Variants in MBTD1 observed in about 807,000 individuals in gnomAD.
MBTD1 encodes the protein mbt domain containing 1.
MBTD1 carries 24 observed loss-of-function variants against 87.8 expected under a neutral mutation model. The observed-to-expected ratio is 0.27, with a 90% confidence interval of 0.20 to 0.38. The LOEUF (loss-of-function observed/expected upper bound fraction) is 0.38. Ranked by LOEUF, MBTD1 falls within the 10% of genes least tolerant of loss-of-function variation. The probability of loss-of-function intolerance (pLI) is 1.00; values close to 1 mark genes in which losing one functional copy is unlikely to be tolerated. For synonymous variants in MBTD1, 237 were observed against 248.6 expected, an observed-to-expected ratio of 0.95 and a Z score of 0.44; for missense variants, 436 against 760.2, an observed-to-expected ratio of 0.57 and a Z score of 5.02.
intron 16 of MBTD1, among the ~76,000 whole-genome samples, chr17:51,191,325 G>A (rs1193697105): frequency 3.4e-5 from 5 of 147,886 alleles, no homozygotes; most frequent in Non-Finnish European, 7.4e-5. Flanking sequence ...GCAATGGCAC[G>A]ATCTCGGCTC....
chr17:51,229,620 G>T (rs1047636747), intron 2 of MBTD1, among the ~76,000 whole-genome samples: 2 of 150,344 alleles, frequency 1.3e-5, no homozygotes, highest in Admixed American at 6.6e-5. Flanking sequence ...TTATATACAC[G>T]TTCTAATAAT....
At chr17:51,257,682 T>A (rs1178539974) in intron 2 of MBTD1, among the ~76,000 whole-genome samples, 2 of 152,144 alleles carry the variant, frequency 1.3e-5, no homozygotes, top group Non-Finnish European at 2.9e-5. Flanking sequence ...TCAACTTAAG[T>A]CATGACAGTT....
At chr17:51,222,405 G>C (rs1598372295) in intron 3 of MBTD1, among the ~76,000 whole-genome samples, 1 of 150,456 alleles carries the variant, frequency 6.6e-6, no homozygotes, top group South Asian at 2.1e-4. Context: ...TTTTTGTTTT[G>C]TTTTGTTTGT....
chr17:51,195,105 CATT>C (rs2051025116), intron 13 of MBTD1, 106 bp downstream of exon 13: 1 of 896,210 alleles, frequency 1.1e-6, no homozygotes, highest in Non-Finnish European at 1.7e-6. Context: ...TATCCACACA[CATT>C]ATATACGTAC....
At chr17:51,243,527 A>T (rs1354845196) in intron 2 of MBTD1, among the ~76,000 whole-genome samples, 1 of 152,234 alleles carries the variant, frequency 6.6e-6, no homozygotes, top group Non-Finnish European at 1.5e-5. Flanking sequence ...ACTGGAGCAC[A>T]GTTATCAGTT....
chr17:51,190,717 G>A (rs1279908303), intron 16 of MBTD1, among the ~76,000 whole-genome samples: 1 of 60,750 alleles, frequency 1.6e-5, no homozygotes. Context: ...CTGAGACTCT[G>A]TCTCAAAAAA....
intron 6 of MBTD1, among the ~76,000 whole-genome samples, chr17:51,207,336 T>C (rs1042156661): frequency 5.3e-5 from 8 of 152,300 alleles, no homozygotes; most frequent in Non-Finnish European, 1.2e-4. Context: ...ATTTTTAATA[T>C]GTACTGAGTG....
chr17:51,188,525 C>G (rs1454343332), intron 16 of MBTD1, among the ~76,000 whole-genome samples: 1 of 152,104 alleles, frequency 6.6e-6, no homozygotes, highest in Non-Finnish European at 1.5e-5. Flanking sequence ...AACGTAAAAA[C>G]AAAAGGTTTT....
At chr17:51,260,607 G>A (rs376900305), upstream of MBTD1, 4 of 1,612,606 alleles carry the variant, frequency 2.5e-6, no homozygotes, top group South Asian at 1.1e-5. Flanking sequence ...CGGAGGAGAC[G>A]AATGAAACTG....
At chr17:51,198,352 C>T (rs116700291) in intron 12 of MBTD1, among the ~76,000 whole-genome samples, 2 of 152,276 alleles carry the variant, frequency 1.3e-5, no homozygotes, top group East Asian at 1.9e-4. Flanking sequence ...GATGACTTGA[C>T]CAAGTGTTTA....
At chr17:51,249,913 T>C (rs948517473) in intron 2 of MBTD1, 4 of 152,192 alleles carry the variant, frequency 2.6e-5, no homozygotes, top group Non-Finnish European at 5.9e-5. Flanking sequence ...AGAACAGTTC[T>C]AGACAGGGTC....
chr17:51,254,385 T>A (rs1401510368), intron 2 of MBTD1, among the ~76,000 whole-genome samples: 1 of 152,210 alleles, frequency 6.6e-6, no homozygotes, highest in Non-Finnish European at 1.5e-5. Flanking sequence ...GAGTTTTTAT[T>A]TCCCACAAAT....
upstream of MBTD1, chr17:51,260,141 T>G (rs2055393832): frequency 2.8e-6 from 1 of 363,600 alleles, no homozygotes; most frequent in Admixed American, 4.5e-5. Flanking sequence ...GCTTCCACCG[T>G]GGGACCCTCT....
intron 3 of MBTD1, among the ~76,000 whole-genome samples, chr17:51,224,120 G>C (rs1405632619): frequency 1.3e-5 from 2 of 152,156 alleles, no homozygotes; most frequent in African/African-American, 4.8e-5. Flanking sequence ...CATTTGTTTG[G>C]TTCCCACATT....
At chr17:51,186,552 G>A (rs141098192) in intron 16 of MBTD1, 18,192 of 152,244 alleles carry the variant, frequency 0.12, 1,833 homozygotes, top group African/African-American at 0.27. Flanking sequence ...CGAGGTGGGT[G>A]GATCACGAGG....
At chr17:51,255,600 C>CTTTT (rs1162659426) in intron 2 of MBTD1, among the ~76,000 whole-genome samples, 1 of 141,174 alleles carries the variant, frequency 7.1e-6, no homozygotes. Flanking sequence ...TTTTTTTTTC[C>CTTTT]TTTTTTTTTT....
chr17:51,200,559 C>CAAAA (rs34253360), intron 12 of MBTD1, among the ~76,000 whole-genome samples: 744 of 62,204 alleles, frequency 0.012, 29 homozygotes, highest in Middle Eastern at 0.028. Flanking sequence ...GATACCATCT[C>CAAAA]AAAAAAAAAA....
At chr17:51,217,014 A>C (rs1335146173) in intron 6 of MBTD1, among the ~76,000 whole-genome samples, 1 of 152,208 alleles carries the variant, frequency 6.6e-6, no homozygotes, top group Non-Finnish European at 1.5e-5. Flanking sequence ...CAGCCTGGGC[A>C]ACACAGCGAG....
chr17:51,244,497 T>C (rs1437058665), intron 2 of MBTD1, among the ~76,000 whole-genome samples: 1 of 152,144 alleles, frequency 6.6e-6, no homozygotes, highest in African/African-American at 2.4e-5. Context: ...AACCTCTGCC[T>C]CCCGGGTTCA....
Sources: gnomAD v4.1 joint callset for allele counts (sites outside exome capture counted in the v4.1 genomes callset) on GRCh38, gnomAD v4.1.1 for gene constraint, MANE v1.5 for transcripts, NCBI Gene and HGNC (gene_info 2026-07-23, HGNC 2026-07-21) for gene names.